Variants in FRK observed in about 807,000 individuals in gnomAD.
FRK encodes the protein fyn related Src family tyrosine kinase.
Under a neutral mutation model 56.4 loss-of-function variants are expected in FRK, and 51 were observed. That is an observed-to-expected ratio of 0.90 (90% confidence interval 0.72 to 1.14). FRK has a LOEUF of 1.14. Among genes scored for constraint, FRK ranks in the 50% most tolerant of loss-of-function variants. The pLI is 0.00. For missense variants in FRK, 570 were observed against 601.4 expected (o/e 0.95, Z 0.55); for synonymous variants, 245 against 217.9 (o/e 1.12, Z -1.10).
At chr6:115,990,491 G>A (rs115548915) in intron 2 of FRK, among the ~76,000 whole-genome samples, 445 of 151,822 alleles carry the variant, frequency 2.9e-3, no homozygotes, top group African/African-American at 9.6e-3. Context: ...TTCTGCATAC[G>A]GCTACACAAT....
intron 1 of FRK, among the ~76,000 whole-genome samples, chr6:116,035,602 T>C (rs1322798827): frequency 6.6e-6 from 1 of 152,158 alleles, no homozygotes; most frequent in Non-Finnish European, 1.5e-5. Context: ...AAATTTGGAT[T>C]AAATATAACC....
chr6:116,100,539 C>T, the FRK span, among the ~76,000 whole-genome samples: 2 of 152,016 alleles, frequency 1.3e-5, no homozygotes, highest in Non-Finnish European at 2.9e-5. Flanking sequence ...TGGAGTGTCC[C>T]GGTTAATTTT....
intron 2 of FRK, among the ~76,000 whole-genome samples, chr6:115,999,993 T>C (rs3798228): frequency 0.39 from 58,814 of 151,960 alleles, 11,770 homozygotes; most frequent in Middle Eastern, 0.5. Flanking sequence ...TGCTGGTCTC[T>C]AAGCAAGGCC....
At chr6:115,988,040 G>C (rs1261736898) in intron 2 of FRK, among the ~76,000 whole-genome samples, 1 of 152,034 alleles carries the variant, frequency 6.6e-6, no homozygotes, top group African/African-American at 2.4e-5. Context: ...CTGCTCTGCT[G>C]AAACAAATAG....
At chr6:115,948,580 T>A (rs1772557910) in intron 5 of FRK, among the ~76,000 whole-genome samples, 1 of 152,236 alleles carries the variant, frequency 6.6e-6, no homozygotes, top group South Asian at 2.1e-4. Flanking sequence ...GGTGTTTCTC[T>A]GTCATTTCCT....
intron 1 of FRK, among the ~76,000 whole-genome samples, chr6:116,057,466 T>C (rs967396571): frequency 6.6e-6 from 1 of 152,182 alleles, no homozygotes; most frequent in African/African-American, 2.4e-5. Context: ...TACAGCTACT[T>C]GCACTAAGAG....
intron 1 of FRK, among the ~76,000 whole-genome samples, chr6:116,011,781 A>C (rs1775481057): frequency 6.6e-6 from 1 of 152,102 alleles, no homozygotes; most frequent in African/African-American, 2.4e-5. Flanking sequence ...ATGCCCCTTG[A>C]ACTATTATGG....
intron 1 of FRK, among the ~76,000 whole-genome samples, chr6:116,030,967 C>T (rs140524126): frequency 1.6e-4 from 25 of 152,106 alleles, no homozygotes; most frequent in Middle Eastern, 3.4e-3. Flanking sequence ...ACATATTTGG[C>T]AATAAGCAGT....
intron 2 of FRK, among the ~76,000 whole-genome samples, chr6:115,995,545 C>A (rs1774803964): frequency 6.6e-6 from 1 of 150,518 alleles, no homozygotes; most frequent in Admixed American, 6.6e-5. Flanking sequence ...CCAAGGTAAG[C>A]AAAAGAAGAA....
At chr6:116,045,279 A>G (rs557732612) in intron 1 of FRK, among the ~76,000 whole-genome samples, 1 of 152,348 alleles carries the variant, frequency 6.6e-6, no homozygotes, top group Admixed American at 6.5e-5. Flanking sequence ...TAGCCAAGAC[A>G]ATCCTAAGCA....
At chr6:115,969,179 C>G (rs1001613672) in intron 2 of FRK, among the ~76,000 whole-genome samples, 4 of 152,158 alleles carry the variant, frequency 2.6e-5, no homozygotes, top group Non-Finnish European at 5.9e-5. Context: ...CCCATGAAAT[C>G]CTATAATGTG....
intron 2 of FRK, among the ~76,000 whole-genome samples, chr6:115,996,411 T>C (rs1013767432): frequency 2.0e-5 from 3 of 152,076 alleles, no homozygotes; most frequent in Admixed American, 2.0e-4. Context: ...CTGTATAAAG[T>C]GAGTTTAGGA....
chr6:116,043,704 A>C (rs1776820450), intron 1 of FRK, among the ~76,000 whole-genome samples: 2 of 152,162 alleles, frequency 1.3e-5, no homozygotes, highest in Non-Finnish European at 2.9e-5. Flanking sequence ...AAACAAATTC[A>C]AAAGCTAGCA....
At chr6:115,967,849 A>G (rs1773649500) in intron 3 of FRK, 130 bp from the exon 4 acceptor site, 2 of 683,038 alleles carry the variant, frequency 2.9e-6, no homozygotes, top group African/African-American at 3.6e-5. Flanking sequence ...ACTGTATTAT[A>G]ATTACTTCAA....
At chr6:116,040,796 G>A (rs1245343763) in intron 1 of FRK, among the ~76,000 whole-genome samples, 1 of 152,082 alleles carries the variant, frequency 6.6e-6, no homozygotes, top group Non-Finnish European at 1.5e-5. Flanking sequence ...TAAGTCTTGG[G>A]CTAGCTGGTT....
At chr6:116,051,959 T>C (rs1777193418) in intron 1 of FRK, among the ~76,000 whole-genome samples, 1 of 152,154 alleles carries the variant, frequency 6.6e-6, no homozygotes, top group African/African-American at 2.4e-5. Context: ...AAACTGAAAT[T>C]ACAAGTCTGG....
chr6:116,067,626 C>G, the FRK span, among the ~76,000 whole-genome samples: 16 of 152,148 alleles, frequency 1.1e-4, no homozygotes, highest in Admixed American at 1.0e-3. Flanking sequence ...AATATCACTA[C>G]AAATGCAGTA....
chr6:115,942,951 A>C lies in FRK; in HGVS notation c.1306+69T>G, dbSNP rs542576719. The C allele has an allele frequency of 1.9e-5, 28 of 1,487,864 alleles. No individual in the cohort carries two copies. The East Asian group carries it at 5.0e-4, about 27-fold the overall frequency. 92.2% of individuals were successfully genotyped at this position (1,487,864 alleles called of 1,614,324 possible). ...TAACTCTGCCCTCTAAGTCTGGGCA[A>C]AGCAGTTAAAATCACACCTAAGTAA... On this transcript the variant is annotated intron_variant, in intron 7 of 7. Coordinates refer to ENST00000606080, the MANE Select transcript of FRK (RefSeq NM_002031.3).
At chr6:116,057,825 T>C (rs571340686) in intron 1 of FRK, among the ~76,000 whole-genome samples, 3 of 152,358 alleles carry the variant, frequency 2.0e-5, no homozygotes, top group South Asian at 2.1e-4. Flanking sequence ...TTTGTGTTTG[T>C]AGGCAAAGAA....
Sources: allele counts gnomAD v4.1 joint callset (sites outside exome capture counted in the v4.1 genomes callset), GRCh38; gene constraint gnomAD v4.1.1; transcripts MANE v1.5; gene names NCBI Gene and HGNC (gene_info 2026-07-23, HGNC 2026-07-21).